GSAP: variants seen among roughly 807,000 people sequenced by gnomAD.
GSAP encodes the protein gamma-secretase activating protein.
A neutral mutation model predicts 131.7 loss-of-function variants in GSAP; 118 were observed. The observed-to-expected ratio is 0.90, with a 90% CI of 0.77 to 1.04. The LOEUF is 1.04. Ranked by LOEUF, GSAP falls within the 50% of genes least tolerant of loss-of-function variation. The pLI is 0.00. For missense variants in GSAP, 1,019 were observed against 1,013.2 expected (o/e 1.01, Z -0.08); for synonymous variants, 381 against 363.4 (o/e 1.05, Z -0.55).
intron 26 of GSAP, among the ~76,000 whole-genome samples, chr7:77,319,586 T>C (rs1787353027): frequency 6.6e-6 from 1 of 152,248 alleles, no homozygotes; most frequent in Admixed American, 6.5e-5. Flanking sequence ...CTTGAAGAGA[T>C]ATGTATATAC....
At chr7:77,315,434 C>T (rs1429137435) in intron 26 of GSAP, 2 of 152,148 alleles carry the variant, frequency 1.3e-5, no homozygotes, top group Non-Finnish European at 2.9e-5. Context: ...TGCAATATAA[C>T]AATAGCGACC....
intron 3 of GSAP, among the ~76,000 whole-genome samples, chr7:77,398,918 T>A (rs1217845318): frequency 6.6e-6 from 1 of 152,222 alleles, no homozygotes; most frequent in Non-Finnish European, 1.5e-5. Context: ...ATAAATGGAA[T>A]GTATTATTCT....
Position 77,353,554 on chromosome 7 carries a change from A to C in GSAP, c.1408+18T>G. ...AGGTCAAGTATTCAACTTAAGCTGC[A>C]ACATCAGCAACACTTACCAATTATA... On this transcript the variant is annotated intron_variant, in intron 17 of 30. Coordinates refer to ENST00000257626, the MANE Select transcript of GSAP (RefSeq NM_017439.4). The C allele has an allele frequency of 6.4e-7, 1 of 1,566,492 alleles. No homozygotes were observed. Among genetic ancestry groups the C allele is most frequent in the South Asian group, 1.1e-5 (1 of 89,594 alleles).
chr7:77,362,660 C>T lies in GSAP; in HGVS notation c.872G>A (p.Gly291Glu). 1 of 1,543,604 alleles carries T rather than the reference C, an allele frequency of 6.5e-7. No homozygotes were observed. The highest frequency in any genetic ancestry group is 8.9e-7 in the Non-Finnish European group (1 of 1,117,402). The change falls in exon 13 of 31, where the codon GGA becomes GAA. Residue 291 changes from glycine (G) to glutamate (E), a missense_variant and splice_region_variant. Coordinates refer to ENST00000257626, the MANE Select transcript of GSAP (RefSeq NM_017439.4). ...CGGGCTGTAACATACACACAAACTT[C>T]CTAGAAGAAAAAGGATATTTAGTAG... ...LTLCVFTNHTGSLCVCYSPKC... is the reference protein window; with the variant it reads ...LTLCVFTNHTESLCVCYSPKC...
At chr7:77,363,507 T>C (rs554724838) in intron 12 of GSAP, among the ~76,000 whole-genome samples, 54 of 152,356 alleles carry the variant, frequency 3.5e-4, no homozygotes, top group East Asian at 2.1e-3. Context: ...TAACGTTAAC[T>C]AGCTGTGTGA....
At chr7:77,330,206 C>T in intron 20 of GSAP, 33 bp downstream of exon 20, 1 of 1,588,576 alleles carries the variant, frequency 6.3e-7, no homozygotes, top group Non-Finnish European at 8.6e-7. Context: ...CTATGCCTCG[C>T]TGCTGGCTTT....
chr7:77,360,768 T>C, intron 14 of GSAP, 56 bp downstream of exon 14: 1 of 905,052 alleles, frequency 1.1e-6, no homozygotes. Flanking sequence ...GGCTGAGGTA[T>C]ACCATGCCTA....
intron 19 of GSAP, among the ~76,000 whole-genome samples, chr7:77,336,970 G>A (rs1790074089): frequency 6.6e-6 from 1 of 152,142 alleles, no homozygotes; most frequent in South Asian, 2.1e-4. Context: ...CACTGCTATT[G>A]ATGCTACATC....
chr7:77,386,012 A>C (rs1441601320), intron 6 of GSAP, among the ~76,000 whole-genome samples: 2 of 152,186 alleles, frequency 1.3e-5, no homozygotes, highest in African/African-American at 4.8e-5. Flanking sequence ...TGTTCTGTAA[A>C]GTCACCACAA....
At position 77,376,794 on chromosome 7, in the gene GSAP, A is replaced by T. The variant is rs796331081; in HGVS notation, c.741+54T>A. Reference sequence around the variant, plus strand: ...CCATCTCAAAAAAAAAAAAAAAAAAAAGAGAGTAATGTATCATAAACTTTC... The same window carrying T: ...CCATCTCAAAAAAAAAAAAAAAAAATAGAGAGTAATGTATCATAAACTTTC... On this transcript the variant is annotated intron_variant, in intron 10 of 30. Coordinates refer to ENST00000257626, the MANE Select transcript of GSAP (RefSeq NM_017439.4). 343 of 684,616 alleles carry T rather than the reference A, an allele frequency of 5.0e-4. No homozygotes were observed. The African/African-American group carries it at 5.7e-3, about 11-fold the overall frequency. The allele number at this position is 684,616 out of a possible 1,614,324, so 42.4% of individuals were successfully genotyped here.
intron 29 of GSAP, 59 bp downstream of exon 29, chr7:77,312,042 G>T: frequency 8.1e-7 from 1 of 1,241,164 alleles, no homozygotes; most frequent in Non-Finnish European, 1.2e-6. Context: ...CAGATATGTT[G>T]TCACGGGCAA....
chr7:77,318,335 ACCAGT>A (rs1787147953), intron 26 of GSAP, among the ~76,000 whole-genome samples: 3 of 150,194 alleles, frequency 2.0e-5, no homozygotes, highest in African/African-American at 7.3e-5. Context: ...TTAAGTTTCT[ACCAGT>A]TAAAATTTTA....
chr7:77,405,191 T>C (rs1228169917), intron 2 of GSAP, among the ~76,000 whole-genome samples: 2 of 152,004 alleles, frequency 1.3e-5, no homozygotes, highest in Admixed American at 6.6e-5. Flanking sequence ...ACTGGGGAGG[T>C]TGAGGCAGGA....
intron 1 of GSAP, among the ~76,000 whole-genome samples, chr7:77,414,786 G>A (rs1351805162): frequency 6.8e-6 from 1 of 147,706 alleles, no homozygotes; most frequent in African/African-American, 2.5e-5. Flanking sequence ...AGAAGACAGA[G>A]CTGCCTGTTG....
Position 77,392,609 on chromosome 7 carries a change from G to A in GSAP, c.367+4373C>T, listed in dbSNP as rs376822868. 1.3e-4 allele frequency among the ~76,000 whole-genome samples: 20 copies of A among 152,226 alleles called. No homozygotes were observed. In the East Asian group the frequency reaches 2.9e-3, roughly 22 times the overall value. ...ATCACTGAAGGGGAAGACAAGACCA[G>A]GCAATATCTGGATACCACAAGGAGA... On this transcript the variant is annotated intron_variant, in intron 5 of 30. Coordinates refer to ENST00000257626, the MANE Select transcript of GSAP (RefSeq NM_017439.4).
chr7:77,361,478 T>G (rs756801822), intron 13 of GSAP, among the ~76,000 whole-genome samples: 1 of 152,186 alleles, frequency 6.6e-6, no homozygotes, highest in Non-Finnish European at 1.5e-5. Flanking sequence ...CTTATACAAC[T>G]TAAGTATGAA....
chr7:77,413,031 C>A (rs973328675), intron 1 of GSAP, among the ~76,000 whole-genome samples: 3 of 152,064 alleles, frequency 2.0e-5, no homozygotes, highest in African/African-American at 7.2e-5. Context: ...TACAGCAAAC[C>A]CCAGAAACCC....
Position 77,330,308 on chromosome 7 carries a change from G to T in GSAP, c.1605C>A (p.Tyr535Ter). 6.2e-7 allele frequency: 1 copy of T among 1,613,808 alleles called. No homozygotes were observed. Among genetic ancestry groups the T allele is most frequent in the Non-Finnish European group, 8.5e-7 (1 of 1,179,828 alleles). Residue 535 changes from tyrosine to a stop codon, truncating the protein, a stop_gained, in exon 20 of 31, where the codon TAC (tyrosine) becomes TAA (stop). Coordinates refer to ENST00000257626, the MANE Select transcript of GSAP (RefSeq NM_017439.4). LOFTEE classifies it high-confidence loss of function. ...KLNSNLEYVK[Y>*]AKPHFHYNNS... ...TGTTATAGTGGAAGTGTGGCTTGGCGTACTTAACATATTCTAGGTTGGAGT... is the reference window on the plus strand; with the variant it reads ...TGTTATAGTGGAAGTGTGGCTTGGCTTACTTAACATATTCTAGGTTGGAGT...
intron 14 of GSAP, among the ~76,000 whole-genome samples, chr7:77,357,528 G>A (rs987069941): frequency 3.3e-5 from 5 of 152,232 alleles, no homozygotes; most frequent in African/African-American, 1.2e-4. Flanking sequence ...CTAGCCTCTA[G>A]TCAGGGGTGT....
Sources: gnomAD v4.1 joint callset for allele counts (sites outside exome capture counted in the v4.1 genomes callset) on GRCh38, gnomAD v4.1.1 for gene constraint, MANE v1.5 for transcripts, NCBI Gene and HGNC (gene_info 2026-07-23, HGNC 2026-07-21) for gene names.